Variants in C8orf34 observed in about 807,000 individuals in gnomAD.
C8orf34 encodes uncharacterized protein C8orf34.
Under a neutral mutation model 68.3 loss-of-function variants are expected in C8orf34, and 65 were observed. That is an observed-to-expected ratio of 0.95 (90% CI 0.78 to 1.17). The LOEUF (loss-of-function observed/expected upper bound fraction) is 1.17. Among genes scored for constraint, C8orf34 ranks in the 50% most tolerant of loss-of-function variants. C8orf34 has a pLI of 0.00. For synonymous variants in C8orf34, 244 were observed against 241.2 expected (o/e 1.01, Z -0.11); for missense variants, 664 against 655.4 (o/e 1.01, Z -0.14).
At chr8:68,446,617 T>G (rs1811136628) in intron 3 of C8orf34, 157 bp downstream of exon 3, 1 of 686,972 alleles carries the variant, frequency 1.5e-6, no homozygotes, top group South Asian at 2.1e-5. Flanking sequence ...TACATTGATC[T>G]TCATTCATAC....
At chr8:68,376,192 A>AAAATAAAATAAAATAAAATT (rs1807788894) in intron 1 of C8orf34, among the ~76,000 whole-genome samples, 2 of 126,618 alleles carry the variant, frequency 1.6e-5, no homozygotes, top group Admixed American at 1.5e-4. Flanking sequence ...GACATAAAAT[A>AAAATAAAATAAAATAAAATT]AAATAAAATA....
At chr8:68,486,265 T>C (rs910527650) in intron 4 of C8orf34, among the ~76,000 whole-genome samples, 1 of 152,180 alleles carries the variant, frequency 6.6e-6, no homozygotes, top group Non-Finnish European at 1.5e-5. Context: ...TGCTGTCATA[T>C]CTGAGTTCTC....
At chr8:68,469,544 A>G (rs1812290486) in intron 4 of C8orf34, among the ~76,000 whole-genome samples, 1 of 152,084 alleles carries the variant, frequency 6.6e-6, no homozygotes, top group Non-Finnish European at 1.5e-5. Context: ...TGGTTTAATA[A>G]ATTCATTTAT....
At chr8:68,536,619 A>G (rs770706125) in intron 7 of C8orf34, among the ~76,000 whole-genome samples, 1 of 151,984 alleles carries the variant, frequency 6.6e-6, no homozygotes. Context: ...TATTTGAAAG[A>G]TATAACTACT....
intron 7 of C8orf34, among the ~76,000 whole-genome samples, chr8:68,586,227 T>C (rs1460628246): frequency 6.6e-6 from 1 of 152,166 alleles, no homozygotes; most frequent in East Asian, 1.9e-4. Flanking sequence ...TAACAACTTA[T>C]CTACATCTTC....
intron 10 of C8orf34, among the ~76,000 whole-genome samples, chr8:68,749,621 C>G (rs1822639217): frequency 6.6e-6 from 1 of 152,084 alleles, no homozygotes; most frequent in Non-Finnish European, 1.5e-5. Context: ...CTCTTAGACC[C>G]AGGAAGCCAC....
intron 1 of C8orf34, among the ~76,000 whole-genome samples, chr8:68,347,766 T>A (rs1013509375): frequency 1.3e-5 from 2 of 152,168 alleles, no homozygotes; most frequent in African/African-American, 4.8e-5. Context: ...TGTCTTCTTT[T>A]GAGAAGTGTC....
At chr8:68,440,385 A>G (rs538583931) in intron 2 of C8orf34, among the ~76,000 whole-genome samples, 1 of 152,218 alleles carries the variant, frequency 6.6e-6, no homozygotes, top group Non-Finnish European at 1.5e-5. Flanking sequence ...TTCATGCTTT[A>G]TGGGATCCCA....
chr8:68,514,583 C>T (rs1371105086), intron 5 of C8orf34, among the ~76,000 whole-genome samples: 1 of 152,160 alleles, frequency 6.6e-6, no homozygotes, highest in African/African-American at 2.4e-5. Context: ...TGTTCCATTT[C>T]AGCTAGAAGT....
At chr8:68,684,972 T>A (rs946744081) in intron 8 of C8orf34, among the ~76,000 whole-genome samples, 2 of 152,076 alleles carry the variant, frequency 1.3e-5, no homozygotes, top group African/African-American at 4.8e-5. Context: ...ATAAATTATG[T>A]TTCATTAATA....
chr8:68,475,177 C>T (rs895791245), intron 4 of C8orf34, among the ~76,000 whole-genome samples: 2 of 152,218 alleles, frequency 1.3e-5, no homozygotes, highest in African/African-American at 4.8e-5. Flanking sequence ...CTTCCCTCTT[C>T]AGCAAGCCAT....
At position 68,649,956 on chromosome 8, in the gene C8orf34, T is replaced by C. The variant is rs990521957; in HGVS notation, c.1241+9445T>C. Among the ~76,000 whole-genome samples, 3 of 151,916 alleles carry C rather than the reference T, an allele frequency of 2.0e-5. No individual in the cohort carries two copies. In the South Asian group the frequency reaches 6.2e-4, roughly 32 times the overall value. ...TTACTTCAGTTTTTAGCAGAGAATC[T>C]ACTCTGAAAAAAAGTCTATTTCAAG... is the stretch of plus-strand genomic sequence containing the variant. On this transcript the variant is annotated intron_variant, in intron 8 of 13. Transcript: ENST00000518698.
At chr8:68,651,459 C>CT (rs1819355035) in intron 8 of C8orf34, among the ~76,000 whole-genome samples, 1 of 152,116 alleles carries the variant, frequency 6.6e-6, no homozygotes, top group African/African-American at 2.4e-5. Context: ...GATTTTTGGA[C>CT]GTTCGAGAAT....
intron 6 of C8orf34, chr8:68,525,723 C>A: frequency 3.1e-6 from 2 of 645,216 alleles, no homozygotes; most frequent in Non-Finnish European, 2.9e-6. Context: ...GTGAGGTTCA[C>A]AACAATCTTC....
chr8:68,493,069 A>G (rs1390068243), intron 5 of C8orf34, among the ~76,000 whole-genome samples: 2 of 152,236 alleles, frequency 1.3e-5, no homozygotes, highest in African/African-American at 2.4e-5. Flanking sequence ...ACAATATAAA[A>G]TATTTCCAAG....
chr8:68,686,728 C>T lies in C8orf34; in HGVS notation c.1242-22266C>T, dbSNP rs143091664. On this transcript the variant is annotated intron_variant, in intron 8 of 13. Transcript: ENST00000518698. ...GAGAACTGGAACAAGACAAGGATGT[C>T]CACTTTCACCACTTCTATTCAACGT... Among the ~76,000 whole-genome samples, 1,093 of 152,196 alleles carry T rather than the reference C, an allele frequency of 7.2e-3. 15 individuals carry two copies. The highest frequency in any genetic ancestry group is 8.1e-3 in the Non-Finnish European group (554 of 68,002).
chr8:68,468,328 A>G (rs943407951), intron 3 of C8orf34, among the ~76,000 whole-genome samples: 2 of 152,096 alleles, frequency 1.3e-5, no homozygotes, highest in African/African-American at 4.8e-5. Flanking sequence ...AAAAATATTT[A>G]CTTAATAATT....
intron 1 of C8orf34, among the ~76,000 whole-genome samples, chr8:68,407,809 G>C (rs1010439954): frequency 2.0e-5 from 3 of 151,798 alleles, no homozygotes; most frequent in African/African-American, 7.3e-5. Context: ...AAGATCCTTT[G>C]AATTTATTAC....
chr8:68,628,491 G>A (rs1818601446), intron 7 of C8orf34, among the ~76,000 whole-genome samples: 2 of 151,934 alleles, frequency 1.3e-5, no homozygotes, highest in South Asian at 2.1e-4. Flanking sequence ...TTTCATACAC[G>A]TTTTATTTTA....
Sources: gnomAD v4.1 joint callset for allele counts (sites outside exome capture counted in the v4.1 genomes callset) on GRCh38, gnomAD v4.1.1 for gene constraint, MANE v1.5 for transcripts, NCBI Gene and HGNC (gene_info 2026-07-23, HGNC 2026-07-21) for gene names.